The following BMPR2 variants were observed in gnomAD, a reference collection of about 807,000 sequenced individuals.
The protein encoded by BMPR2 is bone morphogenetic protein receptor type 2.
In BMPR2, 29 loss-of-function variants were observed where a neutral mutation model predicts 100.8. The observed-to-expected ratio is 0.29, with a 90% confidence interval of 0.21 to 0.39. BMPR2 has a LOEUF of 0.39. BMPR2 is among the 10% of genes least tolerant of loss of function. The pLI is 1.00. For synonymous variants in BMPR2, 382 were observed against 442.3 expected (o/e 0.86, Z 1.71); for missense variants, 1,011 against 1,274.5 (o/e 0.79, Z 3.15).
chr2:202,497,326 G>C (rs1693057180), intron 3 of BMPR2, among the ~76,000 whole-genome samples: 2 of 152,222 alleles, frequency 1.3e-5, no homozygotes, highest in Non-Finnish European at 1.5e-5. Flanking sequence ...CAAGCAGTGA[G>C]TACCATCGGA....
At chr2:202,385,694 T>C (rs979076388) in intron 1 of BMPR2, among the ~76,000 whole-genome samples, 5 of 146,248 alleles carry the variant, frequency 3.4e-5, no homozygotes, top group Admixed American at 2.8e-4. Flanking sequence ...TATTTTTATA[T>C]GGTTGTGATT....
chr2:202,552,963 A>G lies in BMPR2; in HGVS notation c.1586+75A>G, dbSNP rs1467595041. The G allele has an allele frequency of 1.5e-5, 24 of 1,558,228 alleles. No individual in the cohort carries two copies. The Admixed American group carries it at 3.9e-4, about 25-fold the overall frequency. On this transcript the variant is annotated intron_variant, in intron 11 of 12. Transcript: ENST00000374580. ...ACCCAACAAAGAATAGAAAATAAATACTTTTAAACCAGCCTAATAGTTCAA... is the reference window on the plus strand; with the variant it reads ...ACCCAACAAAGAATAGAAAATAAATGCTTTTAAACCAGCCTAATAGTTCAA...
rs939677902 is a variant in BMPR2 at position 202,388,973 on chromosome 2, G to A, written c.76+11423G>A. The stretch of plus-strand genomic sequence containing the variant: ...AAGTGTGGGCTGGGTGCAGTGGCTC[G>A]CGCCTGTAATCTTTGGGAGGCTGAG... On this transcript the variant is annotated intron_variant, in intron 1 of 12. Transcript: ENST00000374580. Among the ~76,000 whole-genome samples the A allele has an allele frequency of 8.6e-5, 13 of 151,672 alleles. No homozygotes were observed. The East Asian group carries it at 1.4e-3, about 16-fold the overall frequency.
At chr2:202,469,404 C>A in intron 3 of BMPR2, 1 of 204,466 alleles carries the variant, frequency 4.9e-6, no homozygotes, top group South Asian at 6.4e-5. Context: ...AAATTAAGTA[C>A]CTAACAATGG....
intron 1 of BMPR2, among the ~76,000 whole-genome samples, chr2:202,416,894 T>C (rs2105920935): frequency 6.6e-6 from 1 of 151,640 alleles, no homozygotes; most frequent in African/African-American, 2.4e-5. Context: ...TGGAGTGCAG[T>C]GGTGTGATCT....
At chr2:202,489,514 G>A (rs1296900708) in intron 3 of BMPR2, among the ~76,000 whole-genome samples, 2 of 152,122 alleles carry the variant, frequency 1.3e-5, no homozygotes, top group Admixed American at 1.3e-4. Context: ...TAAGAAGAAG[G>A]TGCTGAAGAT....
chr2:202,414,912 G>A (rs979958840), intron 1 of BMPR2, among the ~76,000 whole-genome samples: 18 of 152,046 alleles, frequency 1.2e-4, no homozygotes, highest in African/African-American at 4.3e-4. Context: ...GCTAATTTTT[G>A]TATTTTTAGT....
At chr2:202,426,761 A>G (rs1169203711) in intron 1 of BMPR2, among the ~76,000 whole-genome samples, 1 of 152,022 alleles carries the variant, frequency 6.6e-6, no homozygotes, top group Non-Finnish European at 1.5e-5. Flanking sequence ...ATGCACTTGC[A>G]GTCCTAGCTA....
intron 1 of BMPR2, among the ~76,000 whole-genome samples, chr2:202,427,562 G>A (rs551050848): frequency 5.3e-5 from 8 of 149,894 alleles, no homozygotes; most frequent in South Asian, 4.2e-4. Flanking sequence ...AAACTTTTTC[G>A]TTCCTATACT....
intron 1 of BMPR2, among the ~76,000 whole-genome samples, chr2:202,435,834 T>C (rs1691604504): frequency 6.6e-6 from 1 of 150,526 alleles, no homozygotes. Context: ...AACTATCCTA[T>C]AGTCTAGAAG....
At chr2:202,465,262 G>T (rs536796963) in intron 2 of BMPR2, among the ~76,000 whole-genome samples, 1 of 151,866 alleles carries the variant, frequency 6.6e-6, no homozygotes, top group Non-Finnish European at 1.5e-5. Flanking sequence ...GGTGGTGTGC[G>T]CCTGTGGTCC....
chr2:202,384,530 C>CTCTTTCTTTCTTTCTTTCTTTCTT (rs202188126), intron 1 of BMPR2, among the ~76,000 whole-genome samples: 22 of 107,718 alleles, frequency 2.0e-4, no homozygotes, highest in South Asian at 6.2e-4. Context: ...TTCTTTCTTT[C>CTCTTTCTTTCTTTCTTTCTTTCTT]TCTTTCTTTC....
rs574100409 is a variant in BMPR2, at chr2:202,384,927, TC to T, written c.76+7381del. ...CAGTTTCTTAAAACCAGATCTCACT[TC>T]CCCTTTCTCCTTCAAGACAGTAGTT... On this transcript the variant is annotated intron_variant, in intron 1 of 12. Transcript: ENST00000374580. 3.8e-3 allele frequency among the ~76,000 whole-genome samples: 579 copies of T among 152,198 alleles called. 3 individuals are homozygous for T. The highest frequency in any genetic ancestry group is 5.3e-3 in the Non-Finnish European group (360 of 68,024).
chr2:202,380,207 AC>A (rs1408667647), intron 1 of BMPR2, among the ~76,000 whole-genome samples: 1 of 151,746 alleles, frequency 6.6e-6, no homozygotes. Context: ...AAAAAAAAAA[AC>A]AACTTATGAA....
rs180790702 is a variant in BMPR2, at chr2:202,404,210, G to A, written c.76+26660G>A. 6.4e-4 allele frequency among the ~76,000 whole-genome samples: 42 copies of A among 65,470 alleles called. 1 individual carries two copies. In the East Asian group the frequency reaches 0.019, roughly 30 times the overall value. The allele number at this position is 65,470 out of a possible 152,430, so 43.0% of individuals were successfully genotyped here. A position where few individuals can be genotyped will look rare whatever the true frequency, so the allele number is the denominator to read the frequency against. On this transcript the variant is annotated intron_variant, in intron 1 of 12. Transcript: ENST00000374580. ...CTTTGGGTTGTTTTTTTTTTTTTTT[G>A]AGATGGAGTCTTACTCTGTCACCCA... is the stretch of plus-strand genomic sequence containing the variant.
intron 7 of BMPR2, among the ~76,000 whole-genome samples, chr2:202,523,364 G>A (rs768093916): frequency 2.0e-5 from 3 of 152,174 alleles, no homozygotes; most frequent in Non-Finnish European, 4.4e-5. Flanking sequence ...ATTTGACCCA[G>A]CAATCCTATT....
intron 12 of BMPR2, among the ~76,000 whole-genome samples, chr2:202,557,263 A>T (rs2105713612): frequency 6.6e-6 from 1 of 152,208 alleles, no homozygotes; most frequent in South Asian, 2.1e-4. Flanking sequence ...AGAGTTCAAG[A>T]TCAGCCTGGC....
chr2:202,389,653 T>A (rs1471187205), intron 1 of BMPR2, among the ~76,000 whole-genome samples: 2 of 151,968 alleles, frequency 1.3e-5, no homozygotes. Context: ...AATTTATTTT[T>A]TTTTTTTTGA....
chr2:202,522,948 C>G (rs1687845018), intron 7 of BMPR2, among the ~76,000 whole-genome samples: 1 of 152,108 alleles, frequency 6.6e-6, no homozygotes, highest in South Asian at 2.1e-4. Flanking sequence ...AGTAAACAAC[C>G]TACAAATGAG....
Sources: gnomAD v4.1 joint callset for allele counts (sites outside exome capture counted in the v4.1 genomes callset) on GRCh38, gnomAD v4.1.1 for gene constraint, MANE v1.5 for transcripts, NCBI Gene and HGNC (gene_info 2026-07-23, HGNC 2026-07-21) for gene names.